The following PCTP variants were observed in gnomAD, a reference collection of about 807,000 sequenced individuals.
PCTP encodes phosphatidylcholine transfer protein, also known as START domain-containing protein 2.
Under a neutral mutation model 31.0 loss-of-function variants are expected in PCTP, and 27 were observed. The ratio of observed to expected loss-of-function variants is 0.87; its 90% CI spans 0.64 to 1.20. PCTP has a LOEUF of 1.20. PCTP is among the 50% of genes most tolerant of loss of function. The pLI is 0.00. For missense variants in PCTP, 287 were observed against 268.2 expected (o/e 1.07, Z -0.49); for synonymous variants, 108 against 101.2 (o/e 1.07, Z -0.40).
At chr17:55,851,942 G>A in the PCTP span, among the ~76,000 whole-genome samples, 2 of 120,442 alleles carry the variant, frequency 1.7e-5, no homozygotes, top group African/African-American at 1.3e-4. Context: ...TGAAGCTGCT[G>A]TGTGTCATTA....
At chr17:55,819,010 CAAAAAAAAAAAAAAAAA>C (rs56823756) in intron 3 of PCTP, among the ~76,000 whole-genome samples, 5 of 51,114 alleles carry the variant, frequency 9.8e-5, no homozygotes, top group Admixed American at 2.9e-4. Flanking sequence ...GGAAAGAAAT[CAAAAAAAAAAAAAAAAA>C]AAAAAAAAAA....
downstream of PCTP, among the ~76,000 whole-genome samples, chr17:55,781,913 T>TTG (rs34261304): frequency 0.047 from 7,086 of 149,442 alleles, 432 homozygotes; most frequent in African/African-American, 0.14. Context: ...CAGCACCTGA[T>TTG]TGTGTGTGTG....
chr17:55,785,253 A>G (rs1911705859), intron 2 of PCTP, among the ~76,000 whole-genome samples: 1 of 152,278 alleles, frequency 6.6e-6, no homozygotes. Flanking sequence ...GGTCAATGTG[A>G]CAAGGCCTCT....
downstream of PCTP, chr17:55,777,436 C>T (rs772012125): frequency 6.4e-5 from 61 of 950,358 alleles, no homozygotes; most frequent in Non-Finnish European, 7.4e-5. Flanking sequence ...TCAGTTAGAT[C>T]TCCTTTATTT....
downstream of PCTP, among the ~76,000 whole-genome samples, chr17:55,823,472 C>T (rs773406248): frequency 1.2e-4 from 18 of 152,170 alleles, no homozygotes; most frequent in South Asian, 1.7e-3. Context: ...GCAAAGCTTC[C>T]GCCTCAGAGC....
At chr17:55,815,086 T>G (rs537646393) in intron 3 of PCTP, among the ~76,000 whole-genome samples, 54 of 152,352 alleles carry the variant, frequency 3.5e-4, no homozygotes, top group Non-Finnish European at 6.6e-4. Context: ...CTTTGTAAAC[T>G]TCTCTAAAAT....
At chr17:55,840,989 TA>T (rs1423623240) in intron 5 of PCTP, among the ~76,000 whole-genome samples, 2 of 152,214 alleles carry the variant, frequency 1.3e-5, no homozygotes, top group Non-Finnish European at 2.9e-5. Flanking sequence ...GTATAGGGTT[TA>T]ACGCTATCTG....
chr17:55,808,189 C>T (rs1382340534), intron 3 of PCTP, among the ~76,000 whole-genome samples: 49 of 152,150 alleles, frequency 3.2e-4, no homozygotes, highest in Admixed American at 3.2e-3. Context: ...AGGTTTGGAA[C>T]CCAAGTCTTC....
Position 55,776,856 on chromosome 17 carries a change from T to G in PCTP, c.*756T>G, listed in dbSNP as rs1911359935. ...TTCCATATGTCACTGGGGGAAAGGCTGCCTGTACCTCTCAAGCTTTGCATT... is the reference window on the plus strand; with the variant it reads ...TTCCATATGTCACTGGGGGAAAGGCGGCCTGTACCTCTCAAGCTTTGCATT... On this transcript the variant is annotated 3_prime_UTR_variant, in exon 6 of 6. Coordinates refer to ENST00000268896, the MANE Select transcript of PCTP (RefSeq NM_021213.4). 1.0e-6 allele frequency: 1 copy of G among 1,001,412 alleles called. No homozygotes were observed. Among genetic ancestry groups the G allele is most frequent in the Non-Finnish European group, 1.2e-6 (1 of 841,072 alleles). The allele number at this position is 1,001,412 out of a possible 1,614,324, so 62.0% of individuals were successfully genotyped here. A position where few individuals can be genotyped will look rare whatever the true frequency, so the allele number is the denominator to read the frequency against.
At chr17:55,790,606 A>AT (rs1257913474) in intron 3 of PCTP, among the ~76,000 whole-genome samples, 1 of 151,208 alleles carries the variant, frequency 6.6e-6, no homozygotes, top group Non-Finnish European at 1.5e-5. Context: ...AGGGATGTGA[A>AT]GGACCTCTTC....
At chr17:55,814,554 C>A (rs1390589275) in intron 3 of PCTP, among the ~76,000 whole-genome samples, 1 of 152,230 alleles carries the variant, frequency 6.6e-6, no homozygotes, top group Admixed American at 6.5e-5. Context: ...TTTGTTTAGT[C>A]ATTGACGCAG....
chr17:55,801,392 CCAAAT>C (rs557953223), intron 3 of PCTP, among the ~76,000 whole-genome samples: 1,641 of 152,260 alleles, frequency 0.011, 20 homozygotes, highest in Middle Eastern at 0.031. Flanking sequence ...ACTCTCCACT[CCAAAT>C]CAACAGAATA....
In PCTP at chr17:55,774,121, C is replaced by T. The variant is rs146706714; in HGVS notation, c.511+226C>T. Among the ~76,000 whole-genome samples the T allele has an allele frequency of 3.2e-3, 487 of 152,328 alleles. 1 individual carries two copies. The highest frequency in any genetic ancestry group is 6.8e-3 in the Middle Eastern group (2 of 294). On this transcript the variant is annotated intron_variant, in intron 4 of 5. Transcript: ENST00000268896. ...TTAACTCTGACCCAGTCTATTTTCT[C>T]CAGACTCATGGATTGTCCAGATGAA... is the stretch of plus-strand genomic sequence containing the variant.
At chr17:55,754,052 G>C (rs1028690248) in intron 1 of PCTP, among the ~76,000 whole-genome samples, 3 of 152,190 alleles carry the variant, frequency 2.0e-5, no homozygotes, top group African/African-American at 7.2e-5. Flanking sequence ...GAAGACTCCT[G>C]TGACCAAATG....
At chr17:55,784,915 G>C (rs758577129) in intron 2 of PCTP, among the ~76,000 whole-genome samples, 1 of 152,144 alleles carries the variant, frequency 6.6e-6, no homozygotes, top group South Asian at 2.1e-4. Context: ...AACATACAGT[G>C]GTCTTTGCAT....
In PCTP at chr17:55,764,990, G is replaced by C. The variant is rs1910560356; in HGVS notation, c.142-2345G>C. Reference sequence around the variant, plus strand: ...CGTACAGAGAGTGAAATGTGTGATGGGGCAACTCTAGGCCAGGACCCTCAT... The same window carrying C: ...CGTACAGAGAGTGAAATGTGTGATGCGGCAACTCTAGGCCAGGACCCTCAT... On this transcript the variant is annotated intron_variant, in intron 1 of 5. Coordinates refer to ENST00000268896, the MANE Select transcript of PCTP (RefSeq NM_021213.4). Among the ~76,000 whole-genome samples the C allele has an allele frequency of 3.3e-5, 5 of 152,272 alleles. No individual in the cohort carries two copies. In the South Asian group the frequency reaches 1.0e-3, roughly 32 times the overall value.
chr17:55,763,825 T>G (rs1473594813), intron 1 of PCTP, among the ~76,000 whole-genome samples: 1 of 152,224 alleles, frequency 6.6e-6, no homozygotes, highest in Non-Finnish European at 1.5e-5. Flanking sequence ...GAGATCCTTT[T>G]TAAAAAGAAA....
intron 3 of PCTP, among the ~76,000 whole-genome samples, chr17:55,815,620 G>A (rs1912891745): frequency 1.3e-5 from 2 of 152,138 alleles, no homozygotes; most frequent in Admixed American, 6.6e-5. Flanking sequence ...ATTGTCTTTA[G>A]ACTGGAGAAG....
chr17:55,760,851 C>A (rs1363378390), intron 1 of PCTP, among the ~76,000 whole-genome samples: 1 of 152,146 alleles, frequency 6.6e-6, no homozygotes, highest in Non-Finnish European at 1.5e-5. Context: ...GGAAAGGGTT[C>A]CCATCCAGGC....
Sources: gnomAD v4.1 joint callset for allele counts (sites outside exome capture counted in the v4.1 genomes callset) on GRCh38, gnomAD v4.1.1 for gene constraint, MANE v1.5 for transcripts, NCBI Gene and HGNC (gene_info 2026-07-23, HGNC 2026-07-21) for gene names.